The following TBC1D17 variants were observed in gnomAD, a reference collection of about 807,000 sequenced individuals.
TBC1D17 encodes TBC1 domain family, member 17.
A neutral mutation model predicts 78.8 loss-of-function variants in TBC1D17; 69 were observed. The observed-to-expected ratio is 0.88, with a 90% CI of 0.72 to 1.07. TBC1D17 has a LOEUF of 1.07. Among genes scored for constraint, TBC1D17 ranks in the 50% least tolerant of loss-of-function variants. The pLI, the probability that TBC1D17 is intolerant of heterozygous loss-of-function variation, is 0.00. For synonymous variants in TBC1D17, 456 were observed against 358.3 expected, an observed-to-expected ratio of 1.27 and a Z score of -3.08; for missense variants, 957 against 861.0, an observed-to-expected ratio of 1.11 and a Z score of -1.39.
rs765033928 is a variant in TBC1D17 at position 49,884,742 on chromosome 19, G to C, written c.1428G>C (p.Leu476=). The C allele has an allele frequency of 8.1e-6, 13 of 1,613,830 alleles. No homozygotes were observed. The Admixed American group carries it at 1.5e-4, about 19-fold the overall frequency. ...LLLLLRVLDP[L]LCDFLDSQDS... ...TGCTCCTGAGGGTGCTGGACCCCCTGCTCTGCGACTTCCTGGGTATGTCTC... is the reference window on the plus strand; with the variant it reads ...TGCTCCTGAGGGTGCTGGACCCCCTCCTCTGCGACTTCCTGGGTATGTCTC... The change falls in exon 13 of 17, where the codon CTG becomes CTC. Residue 476 remains leucine, a synonymous_variant. Transcript: ENST00000221543.
At chr19:49,885,174 A>G (rs2122462464) in intron 13 of TBC1D17, 1 of 237,356 alleles carries the variant, frequency 4.2e-6, no homozygotes, top group South Asian at 5.3e-5. Context: ...TCGACCAGGC[A>G]CAGTGGCTCA....
At position 49,883,029 on chromosome 19, in the gene TBC1D17, C is replaced by T. The variant is rs1238481913; in HGVS notation, c.984C>T (p.Ser328=). The part of the protein sequence containing the change: ...EAWKFLLGYL[S]WEGTAEEHKA... ...GGAAGTTCCTCCTAGGGTACCTCAG[C>T]TGGGAAGGCACAGCTGAGGAGCACA... The change falls in exon 9 of 17, where the codon AGC becomes AGT. Residue 328 remains serine (S), a synonymous_variant. Coordinates refer to ENST00000221543, the MANE Select transcript of TBC1D17 (RefSeq NM_024682.3). 1.9e-6 allele frequency: 3 copies of T among 1,611,458 alleles called. No homozygotes were observed. The highest frequency in any genetic ancestry group is 2.5e-6 in the Non-Finnish European group (3 of 1,179,066).
intron 7 of TBC1D17, 55 bp from the exon 8 acceptor site, chr19:49,882,709 T>G (rs1600448402): frequency 6.8e-7 from 1 of 1,470,396 alleles, no homozygotes. Context: ...TGAGGCTGGG[T>G]TGGGTCCCCC....
chr19:49,883,808 A>T, intron 10 of TBC1D17, 63 bp downstream of exon 10: 2 of 1,438,294 alleles, frequency 1.4e-6, no homozygotes, highest in Non-Finnish European at 2.0e-6. Context: ...GGCCTCAGGC[A>T]TAAGTGCGAG....
rs1373748804 is a variant in TBC1D17, at chr19:49,878,573, G to C, written c.195+1G>C. 1.9e-6 allele frequency: 3 copies of C among 1,614,032 alleles called. No homozygotes were observed. Among genetic ancestry groups the C allele is most frequent in the Non-Finnish European group, 2.5e-6 (3 of 1,179,972 alleles). On this transcript the variant is annotated splice_donor_variant, in intron 3 of 16. Transcript: ENST00000221543. LOFTEE classifies it high-confidence loss of function. ...CACCCAAATCCTCTTCTCCAAGAAG[G>C]TAGGCTCCACCCGCTTTGCCCTTCT...
intron 14 of TBC1D17, 32 bp from the exon 15 acceptor site, chr19:49,887,686 C>T (rs918780362): frequency 2.5e-6 from 4 of 1,596,840 alleles, no homozygotes; most frequent in African/African-American, 2.7e-5. Flanking sequence ...TGGGCTATGA[C>T]CTCCCTCCCT....
rs758903254 is a variant in TBC1D17 at position 49,882,022 on chromosome 19, G to C, written c.528-19G>C. 8.7e-6 allele frequency: 14 copies of C among 1,603,488 alleles called. No homozygotes were observed. The highest frequency in any genetic ancestry group is 1.1e-5 in the Non-Finnish European group (13 of 1,171,384). ...GCCCCTACCTGTGCATCACCTGTGC[G>C]TCACCTCCCGCCTCCCAGCTCCCCG... On this transcript the variant is annotated intron_variant, in intron 5 of 16. Coordinates refer to ENST00000221543, the MANE Select transcript of TBC1D17 (RefSeq NM_024682.3).
chr19:49,880,263 C>T lies in TBC1D17; in HGVS notation c.196-16C>T, dbSNP rs754795851. 4 of 1,613,604 alleles carry T rather than the reference C, an allele frequency of 2.5e-6. No individual in the cohort carries two copies. Among genetic ancestry groups the T allele is most frequent in the East Asian group, 4.5e-5 (2 of 44,886 alleles). On this transcript the variant is annotated splice_polypyrimidine_tract_variant and intron_variant, in intron 3 of 16. Coordinates refer to ENST00000221543, the MANE Select transcript of TBC1D17 (RefSeq NM_024682.3). ...AATCCATGGCCCCTTACTGTCTGCT[C>T]CTTTCCTCTCCTAAGGACTCCAGTG...
At chr19:49,878,417 A>G in intron 2 of TBC1D17, 81 bp from the exon 3 acceptor site, 1 of 1,440,362 alleles carries the variant, frequency 6.9e-7, no homozygotes, top group Non-Finnish European at 9.8e-7. Context: ...AGAAACTGGG[A>G]AAGTTTGGAA....
In TBC1D17 at chr19:49,883,138, T is replaced by C. The variant is rs1483187148; in HGVS notation, c.1031+62T>C. ...CACCTGGTACCTCCTAGGGCACCAA[T>C]GGGCAAGTTCTGTGGACGCTGGTTG... On this transcript the variant is annotated intron_variant, in intron 9 of 16. Transcript: ENST00000221543. 6 of 1,475,288 alleles carry C rather than the reference T, an allele frequency of 4.1e-6. No homozygotes were observed. In the African/African-American group the frequency reaches 8.4e-5, roughly 21 times the overall value. 91.4% of individuals were successfully genotyped at this position (1,475,288 alleles called of 1,614,324 possible).
chr19:49,878,574 T>C lies in TBC1D17; in HGVS notation c.195+2T>C. ...ACCCAAATCCTCTTCTCCAAGAAGG[T>C]AGGCTCCACCCGCTTTGCCCTTCTC... On this transcript the variant is annotated splice_donor_variant, in intron 3 of 16. Transcript: ENST00000221543. LOFTEE classifies it high-confidence loss of function. 6.2e-7 allele frequency: 1 copy of C among 1,613,972 alleles called. No homozygotes were observed. The highest frequency in any genetic ancestry group is 1.1e-5 in the South Asian group (1 of 91,080).
intron 4 of TBC1D17, 43 bp from the exon 5 acceptor site, chr19:49,881,225 T>C (rs772374000): frequency 2.9e-5 from 46 of 1,568,582 alleles, no homozygotes; most frequent in Non-Finnish European, 3.8e-5. Flanking sequence ...AGGCTGACTC[T>C]GGCTTCCCAC....
At chr19:49,879,511 C>T (rs1039405213) in intron 3 of TBC1D17, 1 of 152,232 alleles carries the variant, frequency 6.6e-6, no homozygotes, top group South Asian at 2.1e-4. Context: ...CCAGGTTGGC[C>T]TGCATCTGGT....
chr19:49,878,146 G>T lies in TBC1D17; in HGVS notation c.25G>T (p.Val9Leu). The T allele has an allele frequency of 6.3e-7, 1 of 1,576,954 alleles. No homozygotes were observed. Among genetic ancestry groups the T allele is most frequent in the East Asian group, 2.4e-5 (1 of 42,210 alleles). The change falls in exon 2 of 17, where the codon GTG becomes TTG. Residue 9 changes from valine to leucine, a missense_variant. Coordinates refer to ENST00000221543, the MANE Select transcript of TBC1D17 (RefSeq NM_024682.3). MEGAGYRVVFEKGGVYLHT... is the reference protein window; with the variant it reads MEGAGYRVLFEKGGVYLHT... Reference sequence around the variant, plus strand: ...TCGCTGGTTCCCCCCAACTCAGGTGGTGTTTGAGAAGGGCGGAGTGTACCT... The same window carrying T: ...TCGCTGGTTCCCCCCAACTCAGGTGTTGTTTGAGAAGGGCGGAGTGTACCT...
At chr19:49,878,815 T>C (rs79223119) in intron 3 of TBC1D17, 65 of 505,124 alleles carry the variant, frequency 1.3e-4, no homozygotes, top group African/African-American at 1.1e-3. Context: ...GACCCCTCTC[T>C]CCCTTTGCTT....
intron 15 of TBC1D17, 106 bp from the exon 16 acceptor site, chr19:49,888,125 G>A: frequency 6.5e-7 from 1 of 1,527,248 alleles, no homozygotes; most frequent in Non-Finnish European, 8.8e-7. Flanking sequence ...GCCCCCAGAG[G>A]GCCAGCCCGG....
Position 49,880,514 on chromosome 19 carries a change from A to C in TBC1D17, c.319+112A>C, listed in dbSNP as rs1364098546. The C allele has an allele frequency of 6.5e-6, 9 of 1,383,312 alleles. No homozygotes were observed. The Admixed American group carries it at 2.1e-4, about 32-fold the overall frequency. 85.7% of individuals were successfully genotyped at this position (1,383,312 alleles called of 1,614,324 possible). ...GCTGCCCACAATCAAGAAGGCCACC[A>C]GTCACCACCTTCCAGTCCCAGGAGC... On this transcript the variant is annotated intron_variant, in intron 4 of 16. Transcript: ENST00000221543.
At chr19:49,878,906 C>T in intron 3 of TBC1D17, 1 of 303,948 alleles carries the variant, frequency 3.3e-6, no homozygotes, top group African/African-American at 2.2e-5. Flanking sequence ...TGCCAGAGGA[C>T]AGGGCCTGAC....
intron 7 of TBC1D17, 127 bp downstream of exon 7, chr19:49,882,527 GCA>G: frequency 4.2e-6 from 6 of 1,422,900 alleles, no homozygotes; most frequent in Non-Finnish European, 5.6e-6. Flanking sequence ...CTCAGGGGGT[GCA>G]TGAGGAAAGC....
Sources: gnomAD v4.1 joint callset for allele counts on GRCh38, gnomAD v4.1.1 for gene constraint, MANE v1.5 for transcripts, NCBI Gene and HGNC (gene_info 2026-07-23, HGNC 2026-07-21) for gene names.